Variants in RBFOX1 observed in about 807,000 individuals in gnomAD.
RBFOX1 encodes RNA binding fox-1 homolog 1.
In RBFOX1, 8 loss-of-function variants were observed where a neutral mutation model predicts 57.7. The observed-to-expected ratio is 0.14, with a 90% CI of 0.08 to 0.25. The LOEUF (loss-of-function observed/expected upper bound fraction) is 0.25, where lower values mean the gene tolerates loss of function less well. Among genes scored for constraint, RBFOX1 ranks in the 10% least tolerant of loss-of-function variants. The pLI, the probability that RBFOX1 is intolerant of heterozygous loss-of-function variation, is 1.00. For missense variants in RBFOX1, 611 were observed against 548.5 expected (o/e 1.11, Z -1.14); for synonymous variants, 326 against 222.4 (o/e 1.47, Z -4.15).
chr16:6,979,512 G>A (rs1381214273), intron 3 of RBFOX1, among the ~76,000 whole-genome samples: 1 of 152,160 alleles, frequency 6.6e-6, no homozygotes, highest in African/African-American at 2.4e-5. Flanking sequence ...GTATGTTGTA[G>A]TTAATTAAAA....
At chr16:6,559,092 C>T (rs896801274) in intron 2 of RBFOX1, among the ~76,000 whole-genome samples, 7 of 148,806 alleles carry the variant, frequency 4.7e-5, no homozygotes, top group African/African-American at 1.8e-4. Flanking sequence ...TGTACTTTTC[C>T]TCCAGTTTAT....
intron 2 of RBFOX1, among the ~76,000 whole-genome samples, chr16:6,518,701 C>A (rs1200224136): frequency 6.6e-6 from 1 of 152,104 alleles, no homozygotes; most frequent in Non-Finnish European, 1.5e-5. Flanking sequence ...ATGTATGTAT[C>A]TGTCCATCCG....
chr16:7,550,465 C>G (rs1342037731), intron 5 of RBFOX1, among the ~76,000 whole-genome samples: 1 of 152,156 alleles, frequency 6.6e-6, no homozygotes, highest in Non-Finnish European at 1.5e-5. Flanking sequence ...CATTGAATGT[C>G]TCTTCCATTT....
At chr16:5,771,901 C>T (rs983159876) in intron 3 of RBFOX1, among the ~76,000 whole-genome samples, 2 of 152,128 alleles carry the variant, frequency 1.3e-5, no homozygotes, top group African/African-American at 4.8e-5. Context: ...GGGCTGGGCA[C>T]AGTGGCTCAC....
chr16:7,176,169 G>T (rs1452568630), intron 4 of RBFOX1, among the ~76,000 whole-genome samples: 2 of 136,286 alleles, frequency 1.5e-5, no homozygotes, highest in African/African-American at 2.9e-5. Context: ...TTTTGGACAG[G>T]CTCCTTAACT....
chr16:6,447,230 T>C (rs768792087), intron 2 of RBFOX1, among the ~76,000 whole-genome samples: 1 of 152,222 alleles, frequency 6.6e-6, no homozygotes, highest in East Asian at 1.9e-4. Flanking sequence ...TCTTGTACAG[T>C]GGAGTTACAG....
intron 1 of RBFOX1, among the ~76,000 whole-genome samples, chr16:5,339,034 T>C (rs1488986184): frequency 6.6e-6 from 1 of 151,840 alleles, no homozygotes; most frequent in African/African-American, 2.4e-5. Context: ...GAACACAAAA[T>C]CTCTCAATAA....
At chr16:5,704,761 G>T (rs978554895) in intron 3 of RBFOX1, among the ~76,000 whole-genome samples, 1 of 152,134 alleles carries the variant, frequency 6.6e-6, no homozygotes, top group Non-Finnish European at 1.5e-5. Context: ...GCTTGGCCGG[G>T]TTACTATGTG....
intron 2 of RBFOX1, among the ~76,000 whole-genome samples, chr16:6,431,953 CTT>C (rs2094111872): frequency 7.9e-6 from 1 of 127,346 alleles, no homozygotes; most frequent in Non-Finnish European, 1.8e-5. Context: ...TTCTTTCTTT[CTT>C]TCTTTCTTTT....
intron 2 of RBFOX1, among the ~76,000 whole-genome samples, chr16:6,506,883 AG>A (rs1263787175): frequency 1.3e-5 from 2 of 152,040 alleles, no homozygotes; most frequent in East Asian, 3.9e-4. Context: ...CCTGACCTCA[AG>A]TGATCCACCT....
At chr16:6,971,717 C>T (rs527965530) in intron 3 of RBFOX1, among the ~76,000 whole-genome samples, 1 of 152,122 alleles carries the variant, frequency 6.6e-6, no homozygotes, top group Non-Finnish European at 1.5e-5. Context: ...GTTAGCAGAC[C>T]TGTGGGAGTG....
chr16:5,702,723 C>T (rs1035646005), intron 3 of RBFOX1, among the ~76,000 whole-genome samples: 1 of 152,112 alleles, frequency 6.6e-6, no homozygotes, highest in Non-Finnish European at 1.5e-5. Context: ...TGGTGTTGAC[C>T]TCATAAAACC....
intron 3 of RBFOX1, among the ~76,000 whole-genome samples, chr16:5,787,494 A>G (rs896605658): frequency 2.5e-4 from 38 of 152,306 alleles, no homozygotes; most frequent in Admixed American, 2.2e-3. Context: ...CCATGAGGGG[A>G]TGACACTGTA....
At chr16:6,659,248 A>C (rs2098685931) in intron 3 of RBFOX1, among the ~76,000 whole-genome samples, 1 of 151,838 alleles carries the variant, frequency 6.6e-6, no homozygotes, top group South Asian at 2.1e-4. Flanking sequence ...CATTTTATAA[A>C]CACAGACAGG....
chr16:6,400,384 A>G (rs2093020011), intron 2 of RBFOX1, among the ~76,000 whole-genome samples: 1 of 152,222 alleles, frequency 6.6e-6, no homozygotes, highest in Non-Finnish European at 1.5e-5. Flanking sequence ...AAGAGAAATT[A>G]GAAAGTATTT....
In RBFOX1 at chr16:5,962,138, C is replaced by G. The variant is rs1029594311; in HGVS notation, c.351+94803C>G. ...GAGCAAAGAAGGCTGTATCTCCTGTCTTTAAGATTTTCCAGAGATCTCACA... is the reference window on the plus strand; with the variant it reads ...GAGCAAAGAAGGCTGTATCTCCTGTGTTTAAGATTTTCCAGAGATCTCACA... On this transcript the variant is annotated intron_variant, in intron 4 of 19. Transcript: ENST00000641259. Among the ~76,000 whole-genome samples, 35 of 152,132 alleles carry G rather than the reference C, an allele frequency of 2.3e-4. 1 individual carries two copies. Among genetic ancestry groups the G allele is most frequent in the Non-Finnish European group, 1.5e-5 (1 of 68,018 alleles).
At chr16:7,287,400 T>C (rs933981850) in intron 4 of RBFOX1, among the ~76,000 whole-genome samples, 2 of 152,052 alleles carry the variant, frequency 1.3e-5, no homozygotes, top group African/African-American at 4.8e-5. Flanking sequence ...TATGCCAGGG[T>C]GCTCTCTTTC....
At chr16:7,236,773 C>T (rs1459970211) in intron 4 of RBFOX1, among the ~76,000 whole-genome samples, 2 of 152,090 alleles carry the variant, frequency 1.3e-5, no homozygotes, top group African/African-American at 4.8e-5. Flanking sequence ...ATTAAAAATG[C>T]AGTCAGTGAT....
intron 4 of RBFOX1, among the ~76,000 whole-genome samples, chr16:7,310,634 A>G (rs1262790274): frequency 1.3e-5 from 2 of 152,370 alleles, no homozygotes; most frequent in South Asian, 2.1e-4. Context: ...ACCCATTACC[A>G]GAGTTGATAT....
Sources: gnomAD v4.1 joint callset for allele counts (sites outside exome capture counted in the v4.1 genomes callset) on GRCh38, gnomAD v4.1.1 for gene constraint, MANE v1.5 for transcripts, NCBI Gene and HGNC (gene_info 2026-07-23, HGNC 2026-07-21) for gene names.